Variants in NUMB observed in about 807,000 individuals in gnomAD.
NUMB encodes the protein NUMB endocytic adaptor protein, also known as protein numb homolog.
A neutral mutation model predicts 59.7 loss-of-function variants in NUMB; 29 were observed. The ratio of observed to expected loss-of-function variants is 0.49; its 90% confidence interval spans 0.36 to 0.66. The LOEUF (loss-of-function observed/expected upper bound fraction) is 0.66. Among genes scored for constraint, NUMB ranks in the 30% least tolerant of loss-of-function variants. The pLI is 0.00. For synonymous variants in NUMB, 288 were observed against 288.2 expected (o/e 1.00, Z 0.01); for missense variants, 723 against 822.0 (o/e 0.88, Z 1.47).
chr14:73,296,962 G>A lies in NUMB; in HGVS notation c.309+249C>T, dbSNP rs141251423. ...GTGGGCGGATCACCTGAGGTCAGGAGTTCGAGACCAGCCTGACCAACATGG... is the reference window on the plus strand; with the variant it reads ...GTGGGCGGATCACCTGAGGTCAGGAATTCGAGACCAGCCTGACCAACATGG... On this transcript the variant is annotated intron_variant, in intron 7 of 12. Coordinates refer to ENST00000555238, the MANE Select transcript of NUMB (RefSeq NM_001005743.2). 0.013 allele frequency among the ~76,000 whole-genome samples: 1,969 copies of A among 152,342 alleles called. 95 individuals are homozygous for A. The South Asian group carries it at 0.16, about 12-fold the overall frequency.
chr14:73,402,446 C>T (rs1234870232), intron 2 of NUMB, among the ~76,000 whole-genome samples: 2 of 152,144 alleles, frequency 1.3e-5, no homozygotes, highest in Non-Finnish European at 2.9e-5. Flanking sequence ...AGAGATTACA[C>T]ACTATATTAC....
chr14:73,398,711 G>A (rs1294788886), intron 2 of NUMB, among the ~76,000 whole-genome samples: 1 of 151,824 alleles, frequency 6.6e-6, no homozygotes, highest in Non-Finnish European at 1.5e-5. Context: ...CCATCAGATT[G>A]ACAAGGCTAA....
chr14:73,393,198 T>C (rs1566777002), intron 2 of NUMB, among the ~76,000 whole-genome samples: 1 of 152,178 alleles, frequency 6.6e-6, no homozygotes, highest in East Asian at 1.9e-4. Context: ...TAATCTGAGA[T>C]GGTTTTCAGC....
At chr14:73,391,211 C>T (rs1476403065) in intron 2 of NUMB, among the ~76,000 whole-genome samples, 3 of 151,558 alleles carry the variant, frequency 2.0e-5, no homozygotes, top group Non-Finnish European at 4.4e-5. Context: ...ATTAAACCAT[C>T]GTGCATAAAC....
intron 12 of NUMB, among the ~76,000 whole-genome samples, chr14:73,277,567 G>GTCAGA (rs1441403820): frequency 6.6e-6 from 1 of 152,160 alleles, no homozygotes; most frequent in African/African-American, 2.4e-5. Context: ...GCTGACTGAT[G>GTCAGA]TCAGAAACCC....
chr14:73,298,461 GAA>G (rs906467838), intron 6 of NUMB: 2 of 152,148 alleles, frequency 1.3e-5, no homozygotes, highest in Admixed American at 1.3e-4. Context: ...TATTGGCTCA[GAA>G]AATACTTTTT....
chr14:73,394,000 C>T (rs992932153), intron 2 of NUMB, among the ~76,000 whole-genome samples: 1 of 152,188 alleles, frequency 6.6e-6, no homozygotes, highest in African/African-American at 2.4e-5. Context: ...GAGTTTCACT[C>T]TTGTGCCCAG....
intron 6 of NUMB, among the ~76,000 whole-genome samples, chr14:73,313,169 C>A (rs1056502893): frequency 1.3e-5 from 2 of 151,750 alleles, no homozygotes; most frequent in Non-Finnish European, 2.9e-5. Context: ...TTTGTATTTT[C>A]AGTAGAGAAG....
At chr14:73,297,678 G>A (rs1390996352) in intron 6 of NUMB, 1 of 166,648 alleles carries the variant, frequency 6.0e-6, no homozygotes, top group Non-Finnish European at 1.3e-5. Context: ...ACCACAAGTA[G>A]CGTCCACAAG....
chr14:73,356,701 A>T (rs1175434210), intron 3 of NUMB, among the ~76,000 whole-genome samples: 1 of 152,124 alleles, frequency 6.6e-6, no homozygotes, highest in African/African-American at 2.4e-5. Context: ...CTAGAGAAAA[A>T]ACATTTTTTT....
chr14:73,363,848 C>T (rs1894205622), intron 3 of NUMB, among the ~76,000 whole-genome samples: 1 of 152,138 alleles, frequency 6.6e-6, no homozygotes, highest in Non-Finnish European at 1.5e-5. Flanking sequence ...ACTCAGAAGG[C>T]TGACGTGCGA....
At chr14:73,433,867 A>G (rs1482128108) in intron 1 of NUMB, among the ~76,000 whole-genome samples, 1 of 152,160 alleles carries the variant, frequency 6.6e-6, no homozygotes, top group Non-Finnish European at 1.5e-5. Flanking sequence ...AGGCCGATGG[A>G]TCACCTGAGG....
chr14:73,338,661 A>G (rs564462217), intron 4 of NUMB, among the ~76,000 whole-genome samples: 5 of 152,228 alleles, frequency 3.3e-5, no homozygotes, highest in Non-Finnish European at 7.3e-5. Flanking sequence ...AATGGTCTTT[A>G]TAAGGCCCTA....
chr14:73,413,823 CTTTT>C (rs1897006134), intron 1 of NUMB, among the ~76,000 whole-genome samples: 2 of 151,922 alleles, frequency 1.3e-5, no homozygotes, highest in Non-Finnish European at 2.9e-5. Context: ...ACAAAGAGTT[CTTTT>C]ATTATGTATG....
chr14:73,324,770 A>AGAT (rs1034204889), intron 4 of NUMB, among the ~76,000 whole-genome samples: 1 of 152,234 alleles, frequency 6.6e-6, no homozygotes, highest in African/African-American at 2.4e-5. Context: ...AGTAAACAGA[A>AGAT]GATGAATCAG....
intron 1 of NUMB, among the ~76,000 whole-genome samples, chr14:73,418,600 C>T (rs1168832752): frequency 3.3e-5 from 5 of 151,674 alleles, no homozygotes; most frequent in South Asian, 2.1e-4. Flanking sequence ...GGAGAAACCC[C>T]GTCTCTACTA....
At chr14:73,321,782 A>G (rs1891417687) in intron 5 of NUMB, among the ~76,000 whole-genome samples, 1 of 152,208 alleles carries the variant, frequency 6.6e-6, no homozygotes, top group African/African-American at 2.4e-5. Context: ...TAATGATCAA[A>G]ATCTGAGATA....
chr14:73,370,655 G>A (rs1894623732), intron 2 of NUMB, among the ~76,000 whole-genome samples: 1 of 151,580 alleles, frequency 6.6e-6, no homozygotes, highest in East Asian at 1.9e-4. Context: ...TTGTGCCACT[G>A]CACTCCGGCC....
chr14:73,406,086 A>T (rs531660845), intron 2 of NUMB, among the ~76,000 whole-genome samples: 40 of 74,744 alleles, frequency 5.4e-4, no homozygotes, highest in Non-Finnish European at 7.3e-4. Context: ...ATATTAACAT[A>T]TTTTTGTTTT....
Sources: gnomAD v4.1 joint callset for allele counts (sites outside exome capture counted in the v4.1 genomes callset) on GRCh38, gnomAD v4.1.1 for gene constraint, MANE v1.5 for transcripts, NCBI Gene and HGNC (gene_info 2026-07-23, HGNC 2026-07-21) for gene names.